Variants in PHLPP1 observed in about 807,000 individuals in gnomAD.
PHLPP1 encodes PH domain and leucine rich repeat protein phosphatase 1.
Under a neutral mutation model 117.2 loss-of-function variants are expected in PHLPP1, and 42 were observed. That is an observed-to-expected ratio of 0.36 (90% CI 0.28 to 0.46). The LOEUF (loss-of-function observed/expected upper bound fraction) is 0.46. Among genes scored for constraint, PHLPP1 ranks in the 20% least tolerant of loss-of-function variants. The pLI, the probability that PHLPP1 is intolerant of heterozygous loss-of-function variation, is 1.00. For synonymous variants in PHLPP1, 1,042 were observed against 970.7 expected (o/e 1.07, Z -1.37); for missense variants, 2,084 against 2,241.9 (o/e 0.93, Z 1.42).
chr18:62,751,323 A>G lies in PHLPP1; in HGVS notation c.1576+34064A>G, dbSNP rs556274333. On this transcript the variant is annotated intron_variant, in intron 1 of 16. Transcript: ENST00000262719. ...ACTGTCTCTAAAACAAGTGATGTAT[A>G]TGGAAGTGTCCAAAGGAGTAAAACT... Among the ~76,000 whole-genome samples the G allele has an allele frequency of 7.2e-5, 11 of 152,356 alleles. No individual in the cohort carries two copies. In the South Asian group the frequency reaches 2.3e-3, roughly 32 times the overall value.
At chr18:62,948,738 A>C (rs1729176548) in intron 12 of PHLPP1, among the ~76,000 whole-genome samples, 1 of 151,370 alleles carries the variant, frequency 6.6e-6, no homozygotes, top group South Asian at 2.1e-4. Context: ...AGTATCCTTT[A>C]TGTACAAACA....
At chr18:62,747,491 C>T (rs544027843) in intron 1 of PHLPP1, among the ~76,000 whole-genome samples, 1 of 150,940 alleles carries the variant, frequency 6.6e-6, no homozygotes, top group African/African-American at 2.4e-5. Flanking sequence ...CCTACCTTCC[C>T]TCCTCTCCCA....
At chr18:62,892,547 G>C (rs1180900203) in intron 4 of PHLPP1, among the ~76,000 whole-genome samples, 1 of 152,012 alleles carries the variant, frequency 6.6e-6, no homozygotes, top group Non-Finnish European at 1.5e-5. Flanking sequence ...GGAAGAAAGT[G>C]GCACAAAGCA....
intron 10 of PHLPP1, among the ~76,000 whole-genome samples, chr18:62,927,293 ATGAC>A (rs1221801207): frequency 1.3e-5 from 2 of 152,164 alleles, no homozygotes; most frequent in Non-Finnish European, 2.9e-5. Context: ...TACCCTGAAA[ATGAC>A]TGGGAAAAAG....
At chr18:62,837,617 C>G (rs908126591) in intron 2 of PHLPP1, 1 of 151,242 alleles carries the variant, frequency 6.6e-6, no homozygotes, top group Non-Finnish European at 1.5e-5. Context: ...TTTATCATAG[C>G]CTTCTTTCAA....
At chr18:62,780,405 CT>C (rs1449478759) in intron 1 of PHLPP1, among the ~76,000 whole-genome samples, 1 of 152,128 alleles carries the variant, frequency 6.6e-6, no homozygotes, top group African/African-American at 2.4e-5. Context: ...GGTTCTCAAC[CT>C]TTTTCTTCTT....
intron 1 of PHLPP1, among the ~76,000 whole-genome samples, chr18:62,807,812 G>C (rs1479216370): frequency 2.0e-5 from 3 of 152,154 alleles, no homozygotes; most frequent in Non-Finnish European, 4.4e-5. Context: ...CCTCTCTAGG[G>C]TACTTACTGT....
At chr18:62,861,117 T>A (rs924229323) in intron 4 of PHLPP1, among the ~76,000 whole-genome samples, 4 of 152,098 alleles carry the variant, frequency 2.6e-5, no homozygotes, top group Non-Finnish European at 4.4e-5. Flanking sequence ...GCTCCTTTAT[T>A]TTTTATTTTT....
Position 62,979,465 on chromosome 18 carries a change from C to G in PHLPP1, c.*34C>G. ...AGCTGTTTAACAAATAAACTAACCACAAAAGACTGAGTTGCAAGAGTCTCC... is the reference window on the plus strand; with the variant it reads ...AGCTGTTTAACAAATAAACTAACCAGAAAAGACTGAGTTGCAAGAGTCTCC... On this transcript the variant is annotated 3_prime_UTR_variant, in exon 17 of 17. Coordinates refer to ENST00000262719, the MANE Select transcript of PHLPP1 (RefSeq NM_194449.4). 2.0e-6 allele frequency: 3 copies of G among 1,538,184 alleles called. No homozygotes were observed. Among genetic ancestry groups the G allele is most frequent in the East Asian group, 2.5e-5 (1 of 40,728 alleles).
chr18:62,816,723 TTTGGGGGATATA>T (rs1291645264), intron 1 of PHLPP1, among the ~76,000 whole-genome samples: 1 of 152,172 alleles, frequency 6.6e-6, no homozygotes, highest in Non-Finnish European at 1.5e-5. Flanking sequence ...TCAGTGGCAA[TTTGGGGGATATA>T]TTTTTTGTCT....
intron 12 of PHLPP1, among the ~76,000 whole-genome samples, chr18:62,948,708 G>C (rs1052747515): frequency 1.3e-5 from 2 of 151,030 alleles, no homozygotes; most frequent in African/African-American, 4.9e-5. Context: ...TTTAGGGTAC[G>C]TGTGCACTGA....
Position 62,978,194 on chromosome 18 carries a change from A to C in PHLPP1, c.3985-68A>C, listed in dbSNP as rs895139963. 2 of 906,706 alleles carry C rather than the reference A, an allele frequency of 2.2e-6. No individual in the cohort carries two copies. The highest frequency in any genetic ancestry group is 1.7e-5 in the African/African-American group (1 of 60,592). The allele number at this position is 906,706 out of a possible 1,614,324, so 56.2% of individuals were successfully genotyped here. On this transcript the variant is annotated intron_variant, in intron 16 of 16. Transcript: ENST00000262719. The surrounding 1 kb of genome is among the most constrained non-coding windows in gnomAD (Gnocchi z 7.0). Reference sequence around the variant, plus strand: ...CAGTCGAGACAGTCGAGGGACCCGCAGGGAACCTGCACAGTTGCCGCAGGT... The same window carrying C: ...CAGTCGAGACAGTCGAGGGACCCGCCGGGAACCTGCACAGTTGCCGCAGGT...
At chr18:62,917,523 G>A (rs536175762) in intron 9 of PHLPP1, among the ~76,000 whole-genome samples, 67 of 151,886 alleles carry the variant, frequency 4.4e-4, no homozygotes, top group African/African-American at 1.6e-3. Context: ...TGTTGTTGAT[G>A]TAATAGGCAA....
chr18:62,814,170 T>C (rs1408269334), intron 1 of PHLPP1, among the ~76,000 whole-genome samples: 1 of 152,206 alleles, frequency 6.6e-6, no homozygotes, highest in Non-Finnish European at 1.5e-5. Flanking sequence ...TAAATAAACC[T>C]AATCAAATTG....
intron 1 of PHLPP1, among the ~76,000 whole-genome samples, chr18:62,724,377 G>T (rs1432254334): frequency 6.6e-6 from 1 of 152,200 alleles, no homozygotes; most frequent in African/African-American, 2.4e-5. Flanking sequence ...CTTAGAGTCA[G>T]TAGGAGAAAA....
intron 5 of PHLPP1, 49 bp from the exon 6 acceptor site, chr18:62,895,732 A>T (rs775581993): frequency 1.6e-5 from 18 of 1,120,428 alleles, no homozygotes; most frequent in Non-Finnish European, 2.3e-5. Flanking sequence ...GATAATAAAG[A>T]TGTAAAATTT....
chr18:62,778,117 T>C (rs1352901140), intron 1 of PHLPP1, among the ~76,000 whole-genome samples: 3 of 152,220 alleles, frequency 2.0e-5, no homozygotes, highest in Non-Finnish European at 4.4e-5. Context: ...TAGCCATAAC[T>C]TCTGTTATTA....
intron 1 of PHLPP1, among the ~76,000 whole-genome samples, chr18:62,768,593 G>T (rs1355893697): frequency 6.6e-6 from 1 of 152,106 alleles, no homozygotes; most frequent in Admixed American, 6.5e-5. Flanking sequence ...TCCTAAATTG[G>T]AAGTCACTAA....
At chr18:62,738,733 CAAT>C (rs1911439294) in intron 1 of PHLPP1, among the ~76,000 whole-genome samples, 1 of 151,954 alleles carries the variant, frequency 6.6e-6, no homozygotes, top group Admixed American at 6.6e-5. Flanking sequence ...CAGTTAATAA[CAAT>C]ACTGTAATAA....
Sources: allele counts gnomAD v4.1 joint callset (sites outside exome capture counted in the v4.1 genomes callset), GRCh38; gene constraint gnomAD v4.1.1; non-coding constraint Gnocchi (gnomAD v3.1); transcripts MANE v1.5; gene names NCBI Gene and HGNC (gene_info 2026-07-23, HGNC 2026-07-21).